Variants in C2 observed in about 807,000 individuals in gnomAD.
C2 encodes C3/C5 convertase.
In C2, 64 loss-of-function variants were observed where a neutral mutation model predicts 85.2. The observed-to-expected ratio is 0.75, with a 90% confidence interval of 0.61 to 0.92. The LOEUF is 0.92. Among genes scored for constraint, C2 ranks in the 40% least tolerant of loss-of-function variants. The pLI is 0.00. For synonymous variants in C2, 311 were observed against 370.8 expected, an observed-to-expected ratio of 0.84 and a Z score of 1.85; for missense variants, 820 against 971.6, an observed-to-expected ratio of 0.84 and a Z score of 2.07.
At chr6:31,927,644 T>C, upstream of C2, 2 of 1,608,204 alleles carry the variant, frequency 1.2e-6, no homozygotes, top group Non-Finnish European at 1.7e-6. This position sits in a 1 kb window ranked among gnomAD's most constrained non-coding sequence, Gnocchi z 4.7. Flanking sequence ...TGGTTTTTCT[T>C]CTCTGGCAGC....
chr6:31,909,956 C>T (rs1393959501), intron 1 of C2, among the ~76,000 whole-genome samples: 2 of 151,762 alleles, frequency 1.3e-5, no homozygotes, highest in African/African-American at 2.4e-5. Flanking sequence ...TCTTGGCTCA[C>T]TGCAACCTCT....
intron 1 of C2, among the ~76,000 whole-genome samples, chr6:31,909,810 C>T (rs1470757373): frequency 2.0e-5 from 3 of 151,948 alleles, no homozygotes; most frequent in Non-Finnish European, 4.4e-5. Context: ...TTTATGTTCC[C>T]ACCAGGAGAT....
At position 31,943,662 on chromosome 6, in the gene C2, G is replaced by A; in HGVS notation, c.1586G>A (p.Trp529Ter). The stretch of plus-strand genomic sequence containing the variant: ...TTTCCAGGAGACCCCAAATCCCAGT[G>A]GGGCAAAGAATTCCTTATTGAGAAG... ...RVNVGDPKSQ[W>*]GKEFLIEKAV... is the part of the protein sequence containing the mutation. Residue 529 changes from tryptophan to a stop codon, truncating the protein, a stop_gained, in exon 13 of 18, where the codon TGG (tryptophan) becomes TAG (stop). Coordinates refer to ENST00000299367, the MANE Select transcript of C2 (RefSeq NM_000063.6). LOFTEE classifies it high-confidence loss of function. This position sits in a 1 kb window ranked among gnomAD's most constrained non-coding sequence, Gnocchi z 6.4. The A allele has an allele frequency of 6.2e-7, 1 of 1,613,066 alleles. No homozygotes were observed. The highest frequency in any genetic ancestry group is 8.5e-7 in the Non-Finnish European group (1 of 1,180,018).
At position 31,935,807 on chromosome 6, in the gene C2, C is replaced by A; in HGVS notation, c.850-116C>A. The A allele has an allele frequency of 8.7e-7, 1 of 1,154,164 alleles. No homozygotes were observed. The highest frequency in any genetic ancestry group is 1.3e-6 in the Non-Finnish European group (1 of 776,114). 71.5% of individuals were successfully genotyped at this position (1,154,164 alleles called of 1,614,324 possible). ...TTCCTAGTGTCTCCCCTGGTCCTTG[C>A]CTCTGTCGGTCTCACTCCAGTTTCT... is the stretch of plus-strand genomic sequence containing the variant. On this transcript the variant is annotated intron_variant, in intron 6 of 17. Transcript: ENST00000299367. This position sits in a 1 kb window ranked among gnomAD's most constrained non-coding sequence, Gnocchi z 4.3.
chr6:31,943,790 A>T lies in C2; in HGVS notation c.1714A>T (p.Lys572Ter), dbSNP rs775044008. 1.2e-6 allele frequency: 2 copies of T among 1,613,042 alleles called. No individual in the cohort carries two copies. The highest frequency in any genetic ancestry group is 1.7e-6 in the Non-Finnish European group (2 of 1,180,022). Residue 572 changes from lysine (K) to a stop codon, truncating the protein, a stop_gained, in exon 13 of 18, where the codon AAG (lysine) becomes TAG (stop). Transcript: ENST00000299367. LOFTEE classifies it high-confidence loss of function. The surrounding 1 kb of genome is among the most constrained non-coding windows in gnomAD (Gnocchi z 6.4). ...IALLKLAQKV[K>*]MSTHARPICL... ...TCTGCTGAAGCTGGCCCAGAAAGTA[A>T]AGATGTCCACCCATGCCAGGTGCCT...
intron 7 of C2, 89 bp downstream of exon 7, chr6:31,936,150 G>GGCCTCACTCTCTTTTTA: frequency 6.9e-7 from 1 of 1,443,298 alleles, no homozygotes; most frequent in Non-Finnish European, 9.5e-7. Context: ...GTTAAAAAGA[G>GGCCTCACTCTCTTTTTA]AGTGAGGCCT....
At position 31,933,605 on chromosome 6, in the gene C2, C is replaced by T. The variant is rs373500174; in HGVS notation, c.443-5C>T. ...TCACCTCTGCCTTCCTTTGTTCACT[C>T]GCAGCTGGCCACTGCCCCAACCCAG... On this transcript the variant is annotated splice_region_variant and splice_polypyrimidine_tract_variant and intron_variant, in intron 3 of 17. Transcript: ENST00000299367. The T allele has an allele frequency of 6.2e-6, 10 of 1,612,960 alleles. No homozygotes were observed. The highest frequency in any genetic ancestry group is 1.3e-5 in the African/African-American group (1 of 75,048).
chr6:31,907,470 T>C (rs1221234213), intron 1 of C2, among the ~76,000 whole-genome samples: 2 of 147,272 alleles, frequency 1.4e-5, no homozygotes, highest in African/African-American at 5.1e-5. Flanking sequence ...TGGTCGCAGC[T>C]ATTCAACAGG....
chr6:31,902,390 C>G (rs923797745), intron 1 of C2, among the ~76,000 whole-genome samples: 4 of 151,686 alleles, frequency 2.6e-5, no homozygotes, highest in African/African-American at 9.7e-5. Flanking sequence ...CCCGCCCGCG[C>G]CGCATCCCGC....
In C2 at chr6:31,943,259, G is replaced by A. The variant is rs1383756802; in HGVS notation, c.1395G>A (p.Val465=). Residue 465 remains valine (V), a synonymous_variant, in exon 11 of 18, where the codon GTG becomes GTA. Transcript: ENST00000299367. This position sits in a 1 kb window ranked among gnomAD's most constrained non-coding sequence, Gnocchi z 6.4. ...VSKLTDTICG[V]GNMSANASDQ... ...AGCTCACAGACACCATCTGCGGGGT[G>A]GGGAACATGTCAGCAAACGCCTCTG... is the stretch of plus-strand genomic sequence containing the variant. 6.2e-7 allele frequency: 1 copy of A among 1,613,072 alleles called. No individual in the cohort carries two copies. The highest frequency in any genetic ancestry group is 1.7e-5 in the Admixed American group (1 of 60,024).
At chr6:31,906,334 T>C (rs1360078177) in intron 1 of C2, among the ~76,000 whole-genome samples, 2 of 151,944 alleles carry the variant, frequency 1.3e-5, no homozygotes, top group African/African-American at 4.8e-5. Context: ...TCCTCAATGC[T>C]GGCTCCTCCT....
chr6:31,933,477 G>A, intron 3 of C2, 133 bp from the exon 4 acceptor site: 1 of 850,224 alleles, frequency 1.2e-6, no homozygotes, highest in Non-Finnish European at 1.9e-6. Context: ...TGGGTCTCTG[G>A]GGGCTCTGGG....
Position 31,943,726 on chromosome 6 carries a change from G to C in C2, c.1650G>C (p.Lys550Asn). 6.2e-7 allele frequency: 1 copy of C among 1,613,060 alleles called. No homozygotes were observed. The highest frequency in any genetic ancestry group is 1.1e-5 in the South Asian group (1 of 91,088). ...ISPGFDVFAK[K>N]NQGILEFYGD... Reference sequence around the variant, plus strand: ...CAGGGTTTGATGTCTTTGCCAAAAAGAACCAGGGAATCCTGGAGTTCTATG... The same window carrying C: ...CAGGGTTTGATGTCTTTGCCAAAAACAACCAGGGAATCCTGGAGTTCTATG... The change falls in exon 13 of 18, where the codon AAG becomes AAC. Residue 550 changes from lysine to asparagine, a missense_variant. Transcript: ENST00000299367. The surrounding 1 kb of genome is among the most constrained non-coding windows in gnomAD (Gnocchi z 6.4).
chr6:31,915,814 C>T (rs1768462964), upstream of C2, among the ~76,000 whole-genome samples: 1 of 152,224 alleles, frequency 6.6e-6, no homozygotes, highest in South Asian at 2.1e-4. Flanking sequence ...GGCCTAACTT[C>T]AGGAGGGCTG....
chr6:31,943,066 A>C lies in C2; in HGVS notation c.1327A>C (p.Lys443Gln). The change falls in exon 10 of 18, where the codon AAG becomes CAG. Residue 443 changes from lysine (K) to glutamine (Q), a missense_variant. Physicochemically the swap from Lys to Gln is moderately conservative, Grantham distance 53. Transcript: ENST00000299367. The surrounding 1 kb of genome is among the most constrained non-coding windows in gnomAD (Gnocchi z 6.4). Reference sequence around the variant, plus strand: ...GCATGCCTTCATTCTGCAGGACACAAAGGCTCTGCACCAGGTCTTTGAACA... The same window carrying C: ...GCATGCCTTCATTCTGCAGGACACACAGGCTCTGCACCAGGTCTTTGAACA... ...ERHAFILQDT[K>Q]ALHQVFEHML... The C allele has an allele frequency of 6.2e-7, 1 of 1,613,080 alleles. No homozygotes were observed. Among genetic ancestry groups the C allele is most frequent in the Non-Finnish European group, 8.5e-7 (1 of 1,180,038 alleles).
chr6:31,919,381 G>C (rs1768803982), upstream of C2, among the ~76,000 whole-genome samples: 1 of 152,128 alleles, frequency 6.6e-6, no homozygotes, highest in African/African-American at 2.4e-5. Context: ...CTGACCTCAG[G>C]TGATCCACCT....
intron 2 of C2, among the ~76,000 whole-genome samples, chr6:31,928,435 G>A (rs1305170998): frequency 6.6e-6 from 1 of 152,124 alleles, no homozygotes; most frequent in East Asian, 1.9e-4. Flanking sequence ...ATGCTGAATG[G>A]TCCTGGAGTC....
At position 31,920,957 on chromosome 6, in the gene C2, G is replaced by A. The variant is rs2151730216; in HGVS notation, c.-100+931G>A. Among the ~76,000 whole-genome samples the A allele has an allele frequency of 6.6e-6, 1 of 152,282 alleles. No individual in the cohort carries two copies. The highest frequency in any genetic ancestry group is 2.1e-4 in the South Asian group (1 of 4,832). ...GGGCCCTGGAAGAGCCTGGGCATGGGGAGGAGCCCCATGGGGCAGGGCAAA... is the reference window on the plus strand; with the variant it reads ...GGGCCCTGGAAGAGCCTGGGCATGGAGAGGAGCCCCATGGGGCAGGGCAAA... On this transcript the variant is annotated intron_variant, in intron 1 of 3. Coordinates refer to the C2 transcript ENST00000413154. This position sits in a 1 kb window ranked among gnomAD's most constrained non-coding sequence, Gnocchi z 5.6.
At chr6:31,936,308 C>A in intron 7 of C2, 1 of 528,990 alleles carries the variant, frequency 1.9e-6, no homozygotes. Flanking sequence ...TTCCAGTTGC[C>A]AAAACCACAC....
Sources: allele counts gnomAD v4.1 joint callset (sites outside exome capture counted in the v4.1 genomes callset), GRCh38; gene constraint gnomAD v4.1.1; non-coding constraint Gnocchi (gnomAD v3.1); transcripts MANE v1.5; gene names NCBI Gene and HGNC (gene_info 2026-07-23, HGNC 2026-07-21).